HSD17B6: variants seen among roughly 807,000 people sequenced by gnomAD.
HSD17B6 encodes 17-beta-hydroxysteroid dehydrogenase type 6.
In HSD17B6, 16 loss-of-function variants were observed where a neutral mutation model predicts 26.4. The ratio of observed to expected loss-of-function variants is 0.61; its 90% confidence interval spans 0.41 to 0.92. The LOEUF (loss-of-function observed/expected upper bound fraction) is 0.92, where lower values mean the gene tolerates loss of function less well. Among genes scored for constraint, HSD17B6 ranks in the 40% least tolerant of loss-of-function variants. The pLI, the probability that HSD17B6 is intolerant of heterozygous loss-of-function variation, is 0.00. For synonymous variants in HSD17B6, 139 were observed against 153.0 expected (o/e 0.91, Z 0.68); for missense variants, 357 against 386.1 (o/e 0.92, Z 0.63).
intron 1 of HSD17B6, among the ~76,000 whole-genome samples, chr12:56,765,114 A>G (rs902966419): frequency 6.6e-6 from 1 of 151,970 alleles, no homozygotes; most frequent in Non-Finnish European, 1.5e-5. Context: ...ATGAGCCACC[A>G]TGCCTGGCCT....
chr12:56,774,268 G>A lies in HSD17B6; in HGVS notation c.313+103G>A, dbSNP rs910451492. 2.9e-6 allele frequency: 3 copies of A among 1,050,544 alleles called. No homozygotes were observed. The African/African-American group carries it at 4.8e-5, about 17-fold the overall frequency. The allele number at this position is 1,050,544 out of a possible 1,614,324, so 65.1% of individuals were successfully genotyped here. ...CTGGGGATTGGTTCAAGGACTGCTT[G>A]TGGATACTAAAATCCGAGGATGCTC... On this transcript the variant is annotated intron_variant, in intron 2 of 4. Coordinates refer to ENST00000322165, the MANE Select transcript of HSD17B6 (RefSeq NM_003725.4).
At chr12:56,775,924 G>GT (rs1466346852) in intron 2 of HSD17B6, among the ~76,000 whole-genome samples, 1 of 152,070 alleles carries the variant, frequency 6.6e-6, no homozygotes, top group Non-Finnish European at 1.5e-5. Flanking sequence ...ATGTCATATA[G>GT]TTGGAATCAT....
chr12:56,786,463 C>T (rs775382550), intron 4 of HSD17B6, among the ~76,000 whole-genome samples: 33 of 152,180 alleles, frequency 2.2e-4, no homozygotes, highest in African/African-American at 3.4e-4. Flanking sequence ...TTGGCCATGC[C>T]GGTCTCGAAC....
chr12:56,765,690 T>C (rs1263815410), intron 1 of HSD17B6, among the ~76,000 whole-genome samples: 1 of 151,702 alleles, frequency 6.6e-6, no homozygotes, highest in African/African-American at 2.4e-5. Context: ...TTTTGTATTT[T>C]TTGTAGAGAT....
At chr12:56,774,491 A>G (rs1383593670) in intron 2 of HSD17B6, among the ~76,000 whole-genome samples, 1 of 152,200 alleles carries the variant, frequency 6.6e-6, no homozygotes, top group Admixed American at 6.5e-5. Context: ...TGTGGAAGAC[A>G]GTTTTTCCAT....
At chr12:56,763,437 T>TTG (rs35753038) in intron 1 of HSD17B6, 23 bp downstream of exon 1, 14,197 of 136,136 alleles carry the variant, frequency 0.1, 684 homozygotes, top group East Asian at 0.13. Flanking sequence ...GTAAGGGTGG[T>TTG]TGTGTGTGTG....
intron 1 of HSD17B6, among the ~76,000 whole-genome samples, chr12:56,763,976 G>A (rs1954262555): frequency 6.7e-6 from 1 of 149,842 alleles, no homozygotes; most frequent in South Asian, 2.1e-4. Flanking sequence ...GGCTGAGGTG[G>A]GAGGATCACC....
intron 1 of HSD17B6, among the ~76,000 whole-genome samples, chr12:56,767,005 G>A (rs1386668241): frequency 6.6e-6 from 1 of 152,106 alleles, no homozygotes; most frequent in African/African-American, 2.4e-5. Flanking sequence ...GCTAATTTTT[G>A]TATTTTTAGT....
rs1954246258 is a variant in HSD17B6 at position 56,763,389 on chromosome 12, G to A, written c.-45G>A. The stretch of plus-strand genomic sequence containing the variant: ...CAAAGAAGTCCTTTCAAGTCTCTAG[G>A]ACTGGACTCTTCCTAAGCAAGTCCG... On this transcript the variant is annotated 5_prime_UTR_variant, in exon 1 of 5. Transcript: ENST00000322165. The A allele has an allele frequency of 6.6e-6, 1 of 152,580 alleles. No individual in the cohort carries two copies. Among genetic ancestry groups the A allele is most frequent in the Admixed American group, 6.6e-5 (1 of 15,170 alleles). 9.5% of individuals were successfully genotyped at this position (152,580 alleles called of 1,614,324 possible). A position where few individuals can be genotyped will look rare whatever the true frequency, so the allele number is the denominator to read the frequency against.
At chr12:56,765,999 C>T (rs2137892434) in intron 1 of HSD17B6, among the ~76,000 whole-genome samples, 1 of 152,256 alleles carries the variant, frequency 6.6e-6, no homozygotes, top group Admixed American at 6.5e-5. Flanking sequence ...TGAAAATAGC[C>T]TCAACTGATG....
At chr12:56,767,615 AAT>A (rs1954363617) in intron 1 of HSD17B6, among the ~76,000 whole-genome samples, 1 of 101,130 alleles carries the variant, frequency 9.9e-6, no homozygotes, top group African/African-American at 3.3e-5. Flanking sequence ...TACATATATT[AAT>A]ATATAACATA....
chr12:56,778,658 A>G (rs1592368647), intron 2 of HSD17B6, among the ~76,000 whole-genome samples: 1 of 142,300 alleles, frequency 7.0e-6, no homozygotes, highest in African/African-American at 2.6e-5. Context: ...AAGACTTTTT[A>G]CCTTGGAGTC....
Position 56,767,924 on chromosome 12 carries a change from TAC to T in HSD17B6, c.-20+4522_-20+4523del, listed in dbSNP as rs201324794. Among the ~76,000 whole-genome samples, 803 of 150,536 alleles carry T rather than the reference TAC, an allele frequency of 5.3e-3. 2 individuals are homozygous for T. The highest frequency in any genetic ancestry group is 0.018 in the African/African-American group (737 of 41,056). On this transcript the variant is annotated intron_variant, in intron 1 of 4. Coordinates refer to ENST00000322165, the MANE Select transcript of HSD17B6 (RefSeq NM_003725.4). ...AATGTATACACACACGTATACAATA[TAC>T]ACACACACACATATATATGTGTGAA...
chr12:56,782,307 T>C, intron 3 of HSD17B6, 75 bp downstream of exon 3: 3 of 1,376,082 alleles, frequency 2.2e-6, no homozygotes, highest in Non-Finnish European at 3.0e-6. Context: ...TGCTTTCGCC[T>C]ATCTTATTTC....
chr12:56,771,485 A>G (rs1434770267), intron 1 of HSD17B6, among the ~76,000 whole-genome samples: 1 of 136,880 alleles, frequency 7.3e-6, no homozygotes, highest in Non-Finnish European at 1.5e-5. Flanking sequence ...GATGGGCAGA[A>G]TCTCGCTCTG....
chr12:56,783,594 AC>A (rs1242840575), intron 3 of HSD17B6, among the ~76,000 whole-genome samples: 2 of 108,160 alleles, frequency 1.8e-5, no homozygotes, highest in Admixed American at 9.4e-5. Context: ...GCGGGGGCTG[AC>A]CCCCCCACCT....
At chr12:56,782,290 T>C in intron 3 of HSD17B6, 58 bp downstream of exon 3, 4 of 1,520,640 alleles carry the variant, frequency 2.6e-6, no homozygotes, top group South Asian at 2.5e-5. Context: ...TTAGGCATTG[T>C]GCTAGTTGCT....
At position 56,787,101 on chromosome 12, in the gene HSD17B6, C is replaced by T. The variant is rs561252398; in HGVS notation, c.737-24C>T. On this transcript the variant is annotated intron_variant, in intron 4 of 4. Coordinates refer to ENST00000322165, the MANE Select transcript of HSD17B6 (RefSeq NM_003725.4). ...AAATATAAGGAATAAGATTGTTGAC[C>T]ACCATTTCTTTTTTTGTATACAGTT... 2.2e-5 allele frequency: 34 copies of T among 1,536,372 alleles called. No homozygotes were observed. The South Asian group carries it at 3.5e-4, about 16-fold the overall frequency.
intron 1 of HSD17B6, among the ~76,000 whole-genome samples, chr12:56,763,774 T>C (rs750432503): frequency 4.0e-5 from 6 of 151,622 alleles, no homozygotes; most frequent in Non-Finnish European, 8.8e-5. Context: ...TTGTGAAACT[T>C]TGGGTAAGCG....
Sources: gnomAD v4.1 joint callset for allele counts (sites outside exome capture counted in the v4.1 genomes callset) on GRCh38, gnomAD v4.1.1 for gene constraint, MANE v1.5 for transcripts, NCBI Gene and HGNC (gene_info 2026-07-23, HGNC 2026-07-21) for gene names.